The following SERPINB7 variants were observed in gnomAD, a reference collection of about 807,000 sequenced individuals.
The protein encoded by SERPINB7 is serpin B7.
In SERPINB7, 31 loss-of-function variants were observed where a neutral mutation model predicts 37.4. The observed-to-expected ratio is 0.83, with a 90% CI of 0.62 to 1.12. SERPINB7 has a LOEUF of 1.12. Among genes scored for constraint, SERPINB7 ranks in the 50% most tolerant of loss-of-function variants. The pLI, the probability that SERPINB7 is intolerant of heterozygous loss-of-function variation, is 0.00. For synonymous variants in SERPINB7, 163 were observed against 166.1 expected, an observed-to-expected ratio of 0.98 and a Z score of 0.14; for missense variants, 521 against 455.3, an observed-to-expected ratio of 1.14 and a Z score of -1.31.
Position 63,792,393 on chromosome 18 carries a change from T to G in SERPINB7, c.169T>G (p.Leu57Val). 1 of 1,597,736 alleles carries G rather than the reference T, an allele frequency of 6.3e-7. No individual in the cohort carries two copies. Among genetic ancestry groups the G allele is most frequent in the Non-Finnish European group, 8.6e-7 (1 of 1,165,208 alleles). Residue 57 changes from leucine (L) to valine (V), a missense_variant and splice_region_variant, in exon 3 of 8, where the codon TTG becomes GTG. Transcript: ENST00000398019. ...QDDSLSQIDK[L>V]LHVNTASGYG... ...TGCTTTCCTTGTGCCCTGTTTACAG[T>G]TGCTTCATGTTAACACTGCCTCAGG...
chr18:63,787,531 G>T (rs2049384485), intron 2 of SERPINB7, among the ~76,000 whole-genome samples: 1 of 152,032 alleles, frequency 6.6e-6, no homozygotes, highest in Non-Finnish European at 1.5e-5. Context: ...TATTGCCTGG[G>T]TGCCACAAGC....
At chr18:63,791,601 A>G (rs1344750615) in intron 2 of SERPINB7, among the ~76,000 whole-genome samples, 1 of 152,054 alleles carries the variant, frequency 6.6e-6, no homozygotes, top group Non-Finnish European at 1.5e-5. Flanking sequence ...AAAATAGTCC[A>G]CAGGTATTTT....
At chr18:63,764,524 T>A (rs1260363841) in intron 1 of SERPINB7, among the ~76,000 whole-genome samples, 1 of 152,166 alleles carries the variant, frequency 6.6e-6, no homozygotes, top group Non-Finnish European at 1.5e-5. Context: ...AGGCTATTCT[T>A]AGGTAACAGG....
intron 1 of SERPINB7, among the ~76,000 whole-genome samples, chr18:63,762,392 A>C (rs2049159211): frequency 6.6e-6 from 1 of 152,180 alleles, no homozygotes; most frequent in Non-Finnish European, 1.5e-5. Context: ...CAGTCTTTGT[A>C]GGTTGATTCA....
intron 7 of SERPINB7, 124 bp downstream of exon 7, chr18:63,801,136 A>C: frequency 4.4e-6 from 4 of 907,928 alleles, no homozygotes; most frequent in Non-Finnish European, 6.6e-6. Flanking sequence ...CCTGCTTATT[A>C]ATTTATTTGA....
At position 63,782,437 on chromosome 18, in the gene SERPINB7, A is replaced by G. The variant is rs1347861463; in HGVS notation, c.65A>G (p.Asn22Ser). 15 of 1,614,098 alleles carry G rather than the reference A, an allele frequency of 9.3e-6. No homozygotes were observed. Among genetic ancestry groups the G allele is most frequent in the Non-Finnish European group, 1.2e-5 (14 of 1,180,034 alleles). The change falls in exon 2 of 8, where the codon AAT becomes AGT. Residue 22 changes from asparagine (N) to serine (S), a missense_variant. Asn to Ser is a conservative substitution (Grantham distance 46). Coordinates refer to ENST00000398019, the MANE Select transcript of SERPINB7 (RefSeq NM_003784.4). ...CFNLFREMDDNQGNGNVFFSS... is the reference protein window; with the variant it reads ...CFNLFREMDDSQGNGNVFFSS... ...AACCTGTTCAGAGAGATGGATGACAATCAAGGAAATGGAAATGTGTTCTTT... is the reference window on the plus strand; with the variant it reads ...AACCTGTTCAGAGAGATGGATGACAGTCAAGGAAATGGAAATGTGTTCTTT...
chr18:63,763,997 C>G (rs2049167544), intron 1 of SERPINB7, among the ~76,000 whole-genome samples: 1 of 152,168 alleles, frequency 6.6e-6, no homozygotes, highest in South Asian at 2.1e-4. Context: ...CATTACAATA[C>G]AATTGTATAG....
chr18:63,795,607 G>A (rs1876188), intron 4 of SERPINB7, among the ~76,000 whole-genome samples: 23,877 of 150,514 alleles, frequency 0.16, 2,889 homozygotes, highest in East Asian at 0.43. Context: ...AGAAAAGAAA[G>A]TGTGGGTGGA....
chr18:63,783,222 G>C (rs368475470), intron 2 of SERPINB7, among the ~76,000 whole-genome samples: 2 of 67,284 alleles, frequency 3.0e-5, no homozygotes. Flanking sequence ...GAGAGAGAGA[G>C]AGAGAGAGAG....
At chr18:63,772,946 T>A (rs1032299214), upstream of SERPINB7, among the ~76,000 whole-genome samples, 4 of 152,080 alleles carry the variant, frequency 2.6e-5, no homozygotes, top group African/African-American at 9.7e-5. Context: ...TATTGCCAAG[T>A]GAAAGCTGCG....
At position 63,796,346 on chromosome 18, in the gene SERPINB7, A is replaced by C. The variant is rs778641074; in HGVS notation, c.417A>C (p.Arg139Ser). Residue 139 changes from arginine to serine, a missense_variant, in exon 5 of 8, where the codon AGA becomes AGC. Arg to Ser is a moderately radical substitution (Grantham distance 110, BLOSUM62 -1). Coordinates refer to ENST00000398019, the MANE Select transcript of SERPINB7 (RefSeq NM_003784.4). ...TTACGAATCATTTAGAAGACACTAG[A>C]CGTAATATTAATAAGTGGGTTGAAA... ...VDFTNHLEDT[R>S]RNINKWVENE... 51 of 1,609,710 alleles carry C rather than the reference A, an allele frequency of 3.2e-5. No homozygotes were observed. The highest frequency in any genetic ancestry group is 4.0e-5 in the Non-Finnish European group (47 of 1,176,396).
At chr18:63,758,247 G>A (rs975518429) in intron 1 of SERPINB7, among the ~76,000 whole-genome samples, 25 of 152,120 alleles carry the variant, frequency 1.6e-4, no homozygotes, top group East Asian at 1.9e-4. Context: ...TTTTAGTAGC[G>A]TTGTTACCAT....
intron 2 of SERPINB7, among the ~76,000 whole-genome samples, chr18:63,791,633 T>C (rs963555438): frequency 6.6e-6 from 1 of 152,030 alleles, no homozygotes; most frequent in Admixed American, 6.6e-5. Context: ...TTTTTTGAGA[T>C]GGCGTCTCAC....
rs934313552 is a variant in SERPINB7, at chr18:63,782,371, C to A, written c.-2C>A. The stretch of plus-strand genomic sequence containing the variant: ...GTCCTCTAGGCTGCACTCCATTTTG[C>A]AATGGCCTCCCTTGCTGCAGCAAAT... On this transcript the variant is annotated 5_prime_UTR_variant, in exon 2 of 8. Transcript: ENST00000398019. 5 of 1,608,132 alleles carry A rather than the reference C, an allele frequency of 3.1e-6. No individual in the cohort carries two copies. The highest frequency in any genetic ancestry group is 3.4e-6 in the Non-Finnish European group (4 of 1,176,454).
At chr18:63,775,068 C>CA (rs1446303478), upstream of SERPINB7, among the ~76,000 whole-genome samples, 2 of 152,106 alleles carry the variant, frequency 1.3e-5, no homozygotes, top group African/African-American at 4.8e-5. Context: ...ACCCTAAACT[C>CA]ACCAAGTCAC....
At chr18:63,776,265 C>T (rs995127566) in intron 1 of SERPINB7, among the ~76,000 whole-genome samples, 2 of 152,048 alleles carry the variant, frequency 1.3e-5, no homozygotes, top group East Asian at 3.9e-4. Flanking sequence ...TAGAACATCA[C>T]CAGAACCTCT....
At chr18:63,757,025 G>A (rs2049126362) in intron 1 of SERPINB7, among the ~76,000 whole-genome samples, 1 of 152,048 alleles carries the variant, frequency 6.6e-6, no homozygotes, top group African/African-American at 2.4e-5. Context: ...GTCTTCTTTT[G>A]AGAAGTATCT....
upstream of SERPINB7, among the ~76,000 whole-genome samples, chr18:63,775,007 G>A (rs1236131939): frequency 7.2e-5 from 11 of 152,034 alleles, no homozygotes; most frequent in Non-Finnish European, 1.2e-4. Context: ...CACAGGATAG[G>A]GTTGAAAGAA....
chr18:63,783,186 AAGAGAGAGAGAGAGAGAGAGAGAGAG>A lies in SERPINB7; in HGVS notation c.168+670_168+695del, dbSNP rs1200340375. 1.0e-3 allele frequency among the ~76,000 whole-genome samples: 79 copies of A among 75,320 alleles called. 1 individual carries two copies. Among genetic ancestry groups the A allele is most frequent in the East Asian group, 4.7e-3 (15 of 3,162 alleles). 49.4% of individuals were successfully genotyped at this position (75,320 alleles called of 152,430 possible). On this transcript the variant is annotated intron_variant, in intron 2 of 7. Coordinates refer to ENST00000398019, the MANE Select transcript of SERPINB7 (RefSeq NM_003784.4). ...CAAAAAGAAAATAAAGAAAGAAAGA[AAGAGAGAGAGAGAGAGAGAGAGAGAG>A]AGAGAGAGAGAGAGAGAGAGAGAAA... is the stretch of plus-strand genomic sequence containing the variant.
Sources: gnomAD v4.1 joint callset for allele counts (sites outside exome capture counted in the v4.1 genomes callset) on GRCh38, gnomAD v4.1.1 for gene constraint, MANE v1.5 for transcripts, NCBI Gene and HGNC (gene_info 2026-07-23, HGNC 2026-07-21) for gene names.